Variants in SDK1 observed in about 807,000 individuals in gnomAD.
SDK1 encodes protein sidekick-1.
A neutral mutation model predicts 245.5 loss-of-function variants in SDK1; 157 were observed. The observed-to-expected ratio is 0.64, with a 90% confidence interval of 0.56 to 0.73. The LOEUF (loss-of-function observed/expected upper bound fraction) is 0.73, where lower values mean the gene tolerates loss of function less well. SDK1 is among the 30% of genes least tolerant of loss of function. The pLI, the probability that SDK1 is intolerant of heterozygous loss-of-function variation, is 0.00. For missense variants in SDK1, 3,583 were observed against 3,002.3 expected (o/e 1.19, Z -4.52); for synonymous variants, 1,647 against 1,278.5 (o/e 1.29, Z -6.15).
At position 3,462,041 on chromosome 7, in the gene SDK1, T is replaced by C. The variant is rs114940658; in HGVS notation, c.299-157039T>C. On this transcript the variant is annotated intron_variant, in intron 1 of 44. Coordinates refer to ENST00000404826, the MANE Select transcript of SDK1 (RefSeq NM_152744.4). ...ACTACTGCACCCTACCTCTTCTCTTTGCATTTACAGCAAAGCTCCCGGAAA... is the reference window on the plus strand; with the variant it reads ...ACTACTGCACCCTACCTCTTCTCTTCGCATTTACAGCAAAGCTCCCGGAAA... 3.9e-3 allele frequency among the ~76,000 whole-genome samples: 588 copies of C among 152,308 alleles called. 4 individuals are homozygous for C. The highest frequency in any genetic ancestry group is 0.013 in the African/African-American group (561 of 41,572).
intron 1 of SDK1, among the ~76,000 whole-genome samples, chr7:3,591,439 G>A (rs76205815): frequency 0.021 from 3,172 of 152,328 alleles, 123 homozygotes; most frequent in African/African-American, 0.072. Context: ...TTCCTGCCTG[G>A]ATGTCCTTTA....
chr7:3,312,710 A>C (rs994402650), intron 1 of SDK1, among the ~76,000 whole-genome samples: 1 of 152,156 alleles, frequency 6.6e-6, no homozygotes, highest in Non-Finnish European at 1.5e-5. Flanking sequence ...ATAAGGGATA[A>C]AGAAATGGAA....
At chr7:3,757,796 A>G (rs1779979758) in intron 4 of SDK1, among the ~76,000 whole-genome samples, 1 of 152,124 alleles carries the variant, frequency 6.6e-6, no homozygotes, top group African/African-American at 2.4e-5. Flanking sequence ...TAGGTGATTG[A>G]ACTCAACCTT....
chr7:4,045,582 T>G (rs1788962242), intron 17 of SDK1, among the ~76,000 whole-genome samples: 1 of 152,176 alleles, frequency 6.6e-6, no homozygotes, highest in Non-Finnish European at 1.5e-5. Flanking sequence ...ACATGTCTTG[T>G]GCACAGTTAC....
intron 4 of SDK1, among the ~76,000 whole-genome samples, chr7:3,678,240 A>G (rs142105296): frequency 1.3e-5 from 2 of 152,370 alleles, no homozygotes; most frequent in East Asian, 3.8e-4. Context: ...AAAGTTAAAA[A>G]TACAATTAAC....
intron 1 of SDK1, among the ~76,000 whole-genome samples, chr7:3,380,377 A>G (rs1160485302): frequency 3.9e-5 from 6 of 152,234 alleles, no homozygotes; most frequent in African/African-American, 9.6e-5. Flanking sequence ...CAGTGATCAG[A>G]GACTTAAAAT....
chr7:3,669,485 C>T (rs993047796), intron 4 of SDK1, among the ~76,000 whole-genome samples: 4 of 151,260 alleles, frequency 2.6e-5, no homozygotes, highest in African/African-American at 7.3e-5. Context: ...GTTCGGTTTA[C>T]TTCCACCTTC....
At chr7:3,464,905 T>A (rs1562501901) in intron 1 of SDK1, among the ~76,000 whole-genome samples, 1 of 151,886 alleles carries the variant, frequency 6.6e-6, no homozygotes, top group Non-Finnish European at 1.5e-5. Flanking sequence ...ATTTATGTGA[T>A]TTTTTTTCCC....
intron 1 of SDK1, among the ~76,000 whole-genome samples, chr7:3,458,073 TTG>T (rs927558998): frequency 1.3e-5 from 2 of 152,068 alleles, no homozygotes; most frequent in African/African-American, 4.8e-5. Context: ...GGATTCTTTT[TTG>T]TGTGTGTGTG....
chr7:3,798,211 CTTTTT>C (rs71029699), intron 4 of SDK1, among the ~76,000 whole-genome samples: 4 of 53,612 alleles, frequency 7.5e-5, no homozygotes, highest in Admixed American at 2.8e-4. Flanking sequence ...CCTTGGCACT[CTTTTT>C]TTTTTTTTTT....
intron 20 of SDK1, among the ~76,000 whole-genome samples, chr7:4,070,447 C>T (rs1305560570): frequency 1.3e-5 from 2 of 152,206 alleles, no homozygotes; most frequent in East Asian, 3.9e-4. Flanking sequence ...GTCCCACTGG[C>T]ATTGAGTGTC....
chr7:4,226,203 A>G (rs1785435678), intron 40 of SDK1, among the ~76,000 whole-genome samples: 1 of 152,176 alleles, frequency 6.6e-6, no homozygotes, highest in Non-Finnish European at 1.5e-5. Flanking sequence ...CTCCAGGTGC[A>G]ATGAATGGGC....
chr7:3,501,728 T>C (rs534856178), intron 1 of SDK1, among the ~76,000 whole-genome samples: 3 of 152,250 alleles, frequency 2.0e-5, no homozygotes, highest in African/African-American at 7.2e-5. Flanking sequence ...ATAATGTTTT[T>C]ATTTTTTGTT....
intron 1 of SDK1, among the ~76,000 whole-genome samples, chr7:3,603,691 T>C (rs1480183973): frequency 6.6e-6 from 1 of 152,200 alleles, no homozygotes; most frequent in African/African-American, 2.4e-5. Flanking sequence ...TCCTGCCTGA[T>C]TGCCCTGGCC....
intron 1 of SDK1, among the ~76,000 whole-genome samples, chr7:3,475,156 G>A (rs1237547953): frequency 6.6e-6 from 1 of 152,092 alleles, no homozygotes; most frequent in Non-Finnish European, 1.5e-5. Context: ...TCTCCCTTAT[G>A]TAGAAGCTGA....
rs1207299242 is a variant in SDK1, at chr7:3,891,675, A to G, written c.848-59248A>G. ...GGCCAAATTCTGGGTCTCTTTCTCTAGGCCATTTTGTGCAGTTGAAAGATT... is the reference window on the plus strand; with the variant it reads ...GGCCAAATTCTGGGTCTCTTTCTCTGGGCCATTTTGTGCAGTTGAAAGATT... On this transcript the variant is annotated intron_variant, in intron 5 of 44. Transcript: ENST00000404826. 2.0e-5 allele frequency among the ~76,000 whole-genome samples: 3 copies of G among 152,228 alleles called. No individual in the cohort carries two copies. The South Asian group carries it at 6.2e-4, about 32-fold the overall frequency.
At chr7:3,733,747 T>G (rs2115043720) in intron 4 of SDK1, among the ~76,000 whole-genome samples, 1 of 152,292 alleles carries the variant, frequency 6.6e-6, no homozygotes, top group East Asian at 1.9e-4. Flanking sequence ...GGACGTTGCT[T>G]CTCTCTGTTG....
chr7:3,724,894 T>C (rs1436396520), intron 4 of SDK1, among the ~76,000 whole-genome samples: 1 of 152,212 alleles, frequency 6.6e-6, no homozygotes, highest in Non-Finnish European at 1.5e-5. Context: ...TGGCCATGCC[T>C]ACCTGGAAAG....
chr7:4,227,510 A>C, intron 40 of SDK1: 1 of 461,774 alleles, frequency 2.2e-6, no homozygotes, highest in Non-Finnish European at 4.5e-6. Context: ...TGGATTGGCC[A>C]TTCATACAAA....
Sources: allele counts gnomAD v4.1 joint callset (sites outside exome capture counted in the v4.1 genomes callset), GRCh38; gene constraint gnomAD v4.1.1; transcripts MANE v1.5; gene names NCBI Gene and HGNC (gene_info 2026-07-23, HGNC 2026-07-21).